PCDHGB5: variants seen among roughly 807,000 people sequenced by gnomAD.
PCDHGB5 encodes the protein protocadherin gamma-B5.
PCDHGB5 carries 48 observed loss-of-function variants against 62.9 expected under a neutral mutation model. That is an observed-to-expected ratio of 0.76 (90% confidence interval 0.61 to 0.97). The LOEUF (loss-of-function observed/expected upper bound fraction) is 0.97, where lower values mean the gene tolerates loss of function less well. Among genes scored for constraint, PCDHGB5 ranks in the 50% least tolerant of loss-of-function variants. The pLI is 0.00. For synonymous variants in PCDHGB5, 474 were observed against 511.2 expected, an observed-to-expected ratio of 0.93 and a Z score of 0.98; for missense variants, 1,118 against 1,198.6, an observed-to-expected ratio of 0.93 and a Z score of 0.99.
In PCDHGB5 at chr5:141,505,352, C is replaced by T. The variant is rs371829394; in HGVS notation, c.2457-41C>T. 1.5e-5 allele frequency: 25 copies of T among 1,613,302 alleles called. No individual in the cohort carries two copies. In the South Asian group the frequency reaches 2.7e-4, roughly 18 times the overall value. ...AGGACAGGAGGGGCATGAGCTGTGCCGGCCTGGGAGTCTGTGCTCACCATC... is the reference window on the plus strand; with the variant it reads ...AGGACAGGAGGGGCATGAGCTGTGCTGGCCTGGGAGTCTGTGCTCACCATC... On this transcript the variant is annotated intron_variant, in intron 2 of 3. Transcript: ENST00000617380.
At chr5:141,488,478 A>T (rs1251914951) in intron 1 of PCDHGB5, among the ~76,000 whole-genome samples, 5 of 152,072 alleles carry the variant, frequency 3.3e-5, no homozygotes, top group African/African-American at 4.8e-5. Flanking sequence ...ATGTTCCCCT[A>T]CCCAAAAACT....
chr5:141,503,665 C>A (rs1210514896), intron 2 of PCDHGB5, among the ~76,000 whole-genome samples: 2 of 151,792 alleles, frequency 1.3e-5, no homozygotes, highest in African/African-American at 4.8e-5. Flanking sequence ...AATTACAACT[C>A]TTCCCACTTT....
rs375308173 is a variant in PCDHGB5, at chr5:141,400,080, C to T, written c.1953C>T (p.Ser651=). ...GTGATGGTGGACAGCCGCCACTCTC[C>T]GCCACCGCCACGCTGCACTTGGTCT... ...AVRDGGQPPL[S]ATATLHLVFA... The change falls in exon 1 of 4, where the codon TCC becomes TCT. Residue 651 remains serine, a synonymous_variant. Transcript: ENST00000617380. 219 of 1,614,010 alleles carry T rather than the reference C, an allele frequency of 1.4e-4. No homozygotes were observed. The highest frequency in any genetic ancestry group is 2.9e-4 in the East Asian group (13 of 44,884).
At chr5:141,455,075 G>A (rs1050636999) in intron 1 of PCDHGB5, among the ~76,000 whole-genome samples, 2 of 151,830 alleles carry the variant, frequency 1.3e-5, no homozygotes, top group African/African-American at 4.8e-5. Context: ...GCCTCCCAAA[G>A]TGCTGGGATT....
chr5:141,431,553 A>T lies in PCDHGB5; in HGVS notation c.2397+31029A>T, dbSNP rs762863300. On this transcript the variant is annotated intron_variant, in intron 1 of 3. Coordinates refer to ENST00000617380, the MANE Select transcript of PCDHGB5 (RefSeq NM_018925.3). The surrounding 1 kb of genome is among the most constrained non-coding windows in gnomAD (Gnocchi z 4.8). Reference sequence around the variant, plus strand: ...TTGGGCACGCAGCTGCTTGTAGTCAACGCTACCGACCCTGACGAAGGAGTC... The same window carrying T: ...TTGGGCACGCAGCTGCTTGTAGTCATCGCTACCGACCCTGACGAAGGAGTC... The T allele has an allele frequency of 1.1e-5, 18 of 1,613,994 alleles. 1 individual carries two copies. Among genetic ancestry groups the T allele is most frequent in the Non-Finnish European group, 3.4e-6 (4 of 1,180,028 alleles).
intron 1 of PCDHGB5, among the ~76,000 whole-genome samples, chr5:141,435,444 A>T (rs1471113812): frequency 1.3e-5 from 2 of 152,216 alleles, no homozygotes; most frequent in South Asian, 2.1e-4. Context: ...TTTCATTAAT[A>T]CGATATCTGT....
At position 141,485,035 on chromosome 5, in the gene PCDHGB5, AC is replaced by A; in HGVS notation, c.2398-9769del. ...CCGCCACCAGCAAAAACGGCGCGTA[AC>A]CCTTGCGGCGCCGGCCGAACCGCGC... On this transcript the variant is annotated intron_variant, in intron 1 of 3. Coordinates refer to ENST00000617380, the MANE Select transcript of PCDHGB5 (RefSeq NM_018925.3). The surrounding 1 kb of genome is among the most constrained non-coding windows in gnomAD (Gnocchi z 5.7). 1.4e-6 allele frequency: 1 copy of A among 694,388 alleles called. No homozygotes were observed. Among genetic ancestry groups the A allele is most frequent in the East Asian group, 2.6e-5 (1 of 38,852 alleles). The allele number at this position is 694,388 out of a possible 1,614,324, so 43.0% of individuals were successfully genotyped here.
At chr5:141,413,267 GA>G in intron 1 of PCDHGB5, 1 of 1,613,960 alleles carries the variant, frequency 6.2e-7, no homozygotes, top group Non-Finnish European at 8.5e-7. Flanking sequence ...TGGGAGGCTG[GA>G]GCCCGGCAGA....
chr5:141,451,428 G>T (rs552096051), intron 1 of PCDHGB5, among the ~76,000 whole-genome samples: 17 of 152,166 alleles, frequency 1.1e-4, no homozygotes, highest in Non-Finnish European at 2.1e-4. Context: ...TTAGACTAAG[G>T]GTTCCAGTTC....
chr5:141,476,453 G>C lies in PCDHGB5; in HGVS notation c.2398-18354G>C. On this transcript the variant is annotated intron_variant, in intron 1 of 3. Coordinates refer to ENST00000617380, the MANE Select transcript of PCDHGB5 (RefSeq NM_018925.3). This position sits in a 1 kb window ranked among gnomAD's most constrained non-coding sequence, Gnocchi z 7.6. The stretch of plus-strand genomic sequence containing the variant: ...CACTGTAACTCTGGAGTTGGTAGTG[G>C]AGAACCCGCTGGAGCTGTTCAGCGT... 2 of 1,614,138 alleles carry C rather than the reference G, an allele frequency of 1.2e-6. No homozygotes were observed. Among genetic ancestry groups the C allele is most frequent in the Non-Finnish European group, 1.7e-6 (2 of 1,180,022 alleles).
At chr5:141,414,899 G>C (rs756810046) in intron 1 of PCDHGB5, 4 of 1,614,182 alleles carry the variant, frequency 2.5e-6, no homozygotes, top group Non-Finnish European at 3.4e-6. Context: ...CCCACAGACG[G>C]TTCCACAGGC....
chr5:141,439,410 A>T (rs2098110832), intron 1 of PCDHGB5, among the ~76,000 whole-genome samples: 1 of 152,220 alleles, frequency 6.6e-6, no homozygotes, highest in African/African-American at 2.4e-5. Context: ...TGCTAACATC[A>T]CTGAGGTTAT....
chr5:141,433,262 T>C (rs2097580507), intron 1 of PCDHGB5: 1 of 1,339,318 alleles, frequency 7.5e-7, no homozygotes, highest in Non-Finnish European at 1.0e-6. Context: ...GGTACGATCA[T>C]AGCTCACTGC....
chr5:141,409,988 G>A (rs373071156), intron 1 of PCDHGB5: 43 of 1,613,160 alleles, frequency 2.7e-5, no homozygotes, highest in African/African-American at 5.3e-5. Context: ...AGCGGTGGAC[G>A]CCGACTCGGG....
intron 1 of PCDHGB5, chr5:141,418,060 A>G (rs2096216821): frequency 1.2e-6 from 2 of 1,613,850 alleles, no homozygotes; most frequent in Admixed American, 1.7e-5. Flanking sequence ...GCGAGCTGCG[A>G]GTGAGCGCGG....
chr5:141,465,893 C>T (rs926928579), intron 1 of PCDHGB5, among the ~76,000 whole-genome samples: 23 of 152,078 alleles, frequency 1.5e-4, no homozygotes, highest in Middle Eastern at 3.4e-3. Context: ...GAGGCCGAGG[C>T]GGGCAAATCA....
Position 141,417,626 on chromosome 5 carries a change from T to C in PCDHGB5, c.2397+17102T>C, listed in dbSNP as rs1156653216. ...CCGTCGGCCAGTGCAGAGCAAGCGC[T>C]GACGCCGGGGATCCCTCAGCCTCTA... On this transcript the variant is annotated intron_variant, in intron 1 of 3. Coordinates refer to ENST00000617380, the MANE Select transcript of PCDHGB5 (RefSeq NM_018925.3). The C allele has an allele frequency of 4.4e-6, 3 of 689,458 alleles. No homozygotes were observed. In the African/African-American group the frequency reaches 5.4e-5, roughly 12 times the overall value. The allele number at this position is 689,458 out of a possible 1,614,324, so 42.7% of individuals were successfully genotyped here. A position where few individuals can be genotyped will look rare whatever the true frequency, so the allele number is the denominator to read the frequency against.
chr5:141,484,958 G>C (rs2099604320), intron 1 of PCDHGB5: 1 of 575,756 alleles, frequency 1.7e-6, no homozygotes, highest in Non-Finnish European at 3.1e-6. Flanking sequence ...TATTGGCTGA[G>C]CCCGGGAGCC....
At position 141,498,920 on chromosome 5, in the gene PCDHGB5, G is replaced by A. The variant is rs930391165; in HGVS notation, c.2456+4055G>A. On this transcript the variant is annotated intron_variant, in intron 2 of 3. Transcript: ENST00000617380. ...TGCACTCCAGTCTGGGTGACAGAGC[G>A]AGACTCCATCAGGAAAGAAAGAAAG... 3.3e-4 allele frequency among the ~76,000 whole-genome samples: 47 copies of A among 142,950 alleles called. 1 individual carries two copies. Among genetic ancestry groups the A allele is most frequent in the African/African-American group, 8.9e-4 (35 of 39,160 alleles). The allele number at this position is 142,950 out of a possible 152,430, so 93.8% of individuals were successfully genotyped here. A position where few individuals can be genotyped will look rare whatever the true frequency, so the allele number is the denominator to read the frequency against.
Sources: gnomAD v4.1 joint callset for allele counts (sites outside exome capture counted in the v4.1 genomes callset) on GRCh38, gnomAD v4.1.1 for gene constraint, Gnocchi (gnomAD v3.1) non-coding constraint, MANE v1.5 for transcripts, NCBI Gene and HGNC (gene_info 2026-07-23, HGNC 2026-07-21) for gene names.